KCNH7: variants seen among roughly 807,000 people sequenced by gnomAD.
KCNH7 encodes the protein voltage-gated inwardly rectifying potassium channel KCNH7.
In KCNH7, 49 loss-of-function variants were observed where a neutral mutation model predicts 120.8. The observed-to-expected ratio is 0.41, with a 90% CI of 0.32 to 0.51. The LOEUF is 0.51. Ranked by LOEUF, KCNH7 falls within the 20% of genes least tolerant of loss-of-function variation. KCNH7 has a pLI of 0.38. For synonymous variants in KCNH7, 547 were observed against 516.1 expected, an observed-to-expected ratio of 1.06 and a Z score of -0.81; for missense variants, 1,097 against 1,446.6, an observed-to-expected ratio of 0.76 and a Z score of 3.92.
At chr2:162,392,385 G>T (rs368252546) in intron 12 of KCNH7, among the ~76,000 whole-genome samples, 2 of 151,892 alleles carry the variant, frequency 1.3e-5, no homozygotes, top group Non-Finnish European at 1.5e-5. Flanking sequence ...GTACATGGAG[G>T]AGTGGGCAGT....
intron 12 of KCNH7, among the ~76,000 whole-genome samples, chr2:162,387,045 T>A (rs767677053): frequency 1.3e-5 from 2 of 150,988 alleles, no homozygotes; most frequent in Non-Finnish European, 3.0e-5. Context: ...TTAGCAAAAA[T>A]TTCAGGTAAA....
intron 6 of KCNH7, among the ~76,000 whole-genome samples, chr2:162,462,216 C>G (rs948034450): frequency 1.3e-5 from 2 of 151,928 alleles, no homozygotes; most frequent in Non-Finnish European, 2.9e-5. Flanking sequence ...CATGGGAATT[C>G]CAGGATAATG....
Position 162,810,067 on chromosome 2 carries a change from C to T in KCNH7, c.307+26470G>A, listed in dbSNP as rs1220262593. On this transcript the variant is annotated intron_variant, in intron 2 of 15. Transcript: ENST00000332142. ...AGTAGCTGGGACTACAGGCGCCCGC[C>T]ACCACGCCCAGCTAATTTTTTGTAT... is the stretch of plus-strand genomic sequence containing the variant. Among the ~76,000 whole-genome samples, 2 of 74,922 alleles carry T rather than the reference C, an allele frequency of 2.7e-5. 1 individual carries two copies. Among genetic ancestry groups the T allele is most frequent in the Non-Finnish European group, 6.1e-5 (2 of 32,846 alleles). 49.2% of individuals were successfully genotyped at this position (74,922 alleles called of 152,430 possible).
chr2:162,578,869 T>C (rs1002713508), intron 2 of KCNH7, among the ~76,000 whole-genome samples: 23 of 151,952 alleles, frequency 1.5e-4, no homozygotes, highest in Admixed American at 1.2e-3. Flanking sequence ...TTACCAATAT[T>C]ATTATTATTA....
At chr2:162,640,061 A>G (rs899734290) in intron 2 of KCNH7, among the ~76,000 whole-genome samples, 3 of 152,172 alleles carry the variant, frequency 2.0e-5, no homozygotes, top group East Asian at 1.9e-4. Context: ...ATTTAAATAA[A>G]TGTAGTGACA....
At chr2:162,706,964 C>G (rs1365750693) in intron 2 of KCNH7, among the ~76,000 whole-genome samples, 1 of 152,092 alleles carries the variant, frequency 6.6e-6, no homozygotes, top group South Asian at 2.1e-4. Flanking sequence ...CAAGGGCTAT[C>G]TCCGGTTTCA....
intron 3 of KCNH7, among the ~76,000 whole-genome samples, chr2:162,531,609 A>C (rs1218101883): frequency 6.6e-6 from 1 of 151,990 alleles, no homozygotes; most frequent in Non-Finnish European, 1.5e-5. Flanking sequence ...CTTTGGGATC[A>C]AGACTTTGGG....
At chr2:162,391,234 G>A (rs1686737063) in intron 12 of KCNH7, among the ~76,000 whole-genome samples, 1 of 152,016 alleles carries the variant, frequency 6.6e-6, no homozygotes, top group Non-Finnish European at 1.5e-5. Context: ...TTCAGTTTCT[G>A]TATCCACAAA....
intron 2 of KCNH7, among the ~76,000 whole-genome samples, chr2:162,639,756 C>T (rs972367495): frequency 6.6e-6 from 1 of 151,944 alleles, no homozygotes; most frequent in African/African-American, 2.4e-5. Context: ...CACAAGCATC[C>T]GGATTGGAAA....
chr2:162,489,839 C>G (rs1428817316), intron 6 of KCNH7, among the ~76,000 whole-genome samples: 1 of 151,970 alleles, frequency 6.6e-6, no homozygotes, highest in Non-Finnish European at 1.5e-5. Flanking sequence ...CTATAAATAA[C>G]AACAAGATAA....
At chr2:162,456,827 C>T (rs934753738) in intron 6 of KCNH7, among the ~76,000 whole-genome samples, 6 of 151,874 alleles carry the variant, frequency 4.0e-5, no homozygotes, top group Non-Finnish European at 8.8e-5. Context: ...GATTTCAAAC[C>T]CCTGCTTTTT....
intron 14 of KCNH7, among the ~76,000 whole-genome samples, chr2:162,375,418 C>A (rs1327734659): frequency 6.6e-6 from 1 of 152,132 alleles, no homozygotes; most frequent in African/African-American, 2.4e-5. Context: ...TGAATAGTGT[C>A]TATGAGGAAA....
chr2:162,722,748 CAT>C (rs1473112816), intron 2 of KCNH7, among the ~76,000 whole-genome samples: 8 of 149,966 alleles, frequency 5.3e-5, no homozygotes, highest in Admixed American at 4.0e-4. Context: ...TATATTGGCC[CAT>C]TGATTGTGTC....
chr2:162,547,540 C>A (rs1435957382), intron 2 of KCNH7, among the ~76,000 whole-genome samples: 1 of 152,150 alleles, frequency 6.6e-6, no homozygotes, highest in Non-Finnish European at 1.5e-5. Flanking sequence ...TCTTGACATT[C>A]TTTGTCTTAT....
intron 12 of KCNH7, among the ~76,000 whole-genome samples, chr2:162,386,657 G>A (rs1045977500): frequency 6.6e-6 from 1 of 151,800 alleles, no homozygotes; most frequent in Non-Finnish European, 1.5e-5. Flanking sequence ...TCAAATGCAA[G>A]CTGAATTAAC....
At chr2:162,384,440 C>T (rs909190707) in intron 13 of KCNH7, among the ~76,000 whole-genome samples, 4 of 151,888 alleles carry the variant, frequency 2.6e-5, no homozygotes, top group African/African-American at 4.8e-5. Context: ...GTTTTCTACC[C>T]GACATTTTAT....
chr2:162,573,056 A>G (rs900404868), intron 2 of KCNH7, among the ~76,000 whole-genome samples: 7 of 151,940 alleles, frequency 4.6e-5, no homozygotes, highest in African/African-American at 1.7e-4. Flanking sequence ...ATAATAACAC[A>G]CTTAAAAAAA....
chr2:162,607,239 A>C (rs1682809584), intron 2 of KCNH7, among the ~76,000 whole-genome samples: 1 of 144,258 alleles, frequency 6.9e-6, no homozygotes, highest in Non-Finnish European at 1.5e-5. Context: ...AAAAAAAAAA[A>C]AATAGCCGAG....
chr2:162,530,524 A>C (rs529171772), intron 3 of KCNH7, among the ~76,000 whole-genome samples: 1 of 152,020 alleles, frequency 6.6e-6, no homozygotes, highest in Admixed American at 6.5e-5. Flanking sequence ...GAGAGTAAGC[A>C]TTGGTTAAAG....
Sources: gnomAD v4.1 joint callset for allele counts (sites outside exome capture counted in the v4.1 genomes callset) on GRCh38, gnomAD v4.1.1 for gene constraint, MANE v1.5 for transcripts, NCBI Gene and HGNC (gene_info 2026-07-23, HGNC 2026-07-21) for gene names.